Variants in RBM20 observed in about 807,000 individuals in gnomAD.
The protein encoded by RBM20 is RNA-binding protein 20.
RBM20 carries 51 observed loss-of-function variants against 110.1 expected under a neutral mutation model. That is an observed-to-expected ratio of 0.46 (90% confidence interval 0.37 to 0.59). The LOEUF is 0.59. Among genes scored for constraint, RBM20 ranks in the 20% least tolerant of loss-of-function variants. RBM20 has a pLI of 0.00. For missense variants in RBM20, 1,512 were observed against 1,574.9 expected, an observed-to-expected ratio of 0.96 and a Z score of 0.68; for synonymous variants, 589 against 618.2, an observed-to-expected ratio of 0.95 and a Z score of 0.70.
intron 1 of RBM20, among the ~76,000 whole-genome samples, chr10:110,734,935 G>A (rs1448409905): frequency 6.6e-6 from 1 of 152,168 alleles, no homozygotes; most frequent in African/African-American, 2.4e-5. Context: ...GTGGCGTGAT[G>A]AAATCTCCTA....
At chr10:110,658,557 C>A (rs908993174) in intron 1 of RBM20, among the ~76,000 whole-genome samples, 1 of 152,150 alleles carries the variant, frequency 6.6e-6, no homozygotes, top group African/African-American at 2.4e-5. Flanking sequence ...ATTTCCTCCT[C>A]CTTGTCCCTG....
Position 110,821,927 on chromosome 10 carries a change from T to C in RBM20, c.3308T>C (p.Leu1103Ser). ...CAAAACCAAGCTTGCCAAGAAGTGT[T>C]GACCCCGGGTAACTATCTCCCCTTT... ...DLQNQACQEV[L>S]TPENSRYVEM... is the part of the protein sequence containing the mutation. Residue 1103 changes from leucine to serine, a missense_variant, in exon 11 of 14, where the codon TTG (leucine) becomes TCG (serine). Leu to Ser is a moderately radical substitution (Grantham distance 145). Coordinates refer to ENST00000369519, the MANE Select transcript of RBM20 (RefSeq NM_001134363.3). 6.4e-7 allele frequency: 1 copy of C among 1,551,576 alleles called. No individual in the cohort carries two copies. The highest frequency in any genetic ancestry group is 8.7e-7 in the Non-Finnish European group (1 of 1,146,940).
chr10:110,731,346 T>C (rs1459260123), intron 1 of RBM20, among the ~76,000 whole-genome samples: 1 of 152,224 alleles, frequency 6.6e-6, no homozygotes, highest in African/African-American at 2.4e-5. Flanking sequence ...AAGATGGCAA[T>C]TCATTTGGTT....
At chr10:110,686,114 C>G (rs1015306241) in intron 1 of RBM20, among the ~76,000 whole-genome samples, 1 of 152,126 alleles carries the variant, frequency 6.6e-6, no homozygotes, top group Non-Finnish European at 1.5e-5. Flanking sequence ...AAAATGGAGC[C>G]CAGTCCATTC....
At chr10:110,804,242 G>A (rs1238040663) in intron 7 of RBM20, among the ~76,000 whole-genome samples, 3 of 152,202 alleles carry the variant, frequency 2.0e-5, no homozygotes, top group Non-Finnish European at 2.9e-5. Context: ...TGTGTCATCT[G>A]CTACATCCTC....
intron 12 of RBM20, chr10:110,827,757 A>T (rs1326826155): frequency 6.6e-6 from 1 of 152,176 alleles, no homozygotes; most frequent in East Asian, 1.9e-4. Context: ...TTATTCACTC[A>T]TGAAATATTT....
chr10:110,807,700 A>G (rs192270549), intron 7 of RBM20, among the ~76,000 whole-genome samples: 11 of 152,308 alleles, frequency 7.2e-5, no homozygotes, highest in Non-Finnish European at 1.3e-4. Flanking sequence ...TCTTTCCTGG[A>G]TCTGGGCTGG....
chr10:110,781,267 G>A lies in RBM20; in HGVS notation c.658G>A (p.Gly220Arg), dbSNP rs1844340919. The A allele has an allele frequency of 6.4e-7, 1 of 1,551,556 alleles. No homozygotes were observed. The highest frequency in any genetic ancestry group is 2.4e-5 in the East Asian group (1 of 40,930). The stretch of plus-strand genomic sequence containing the variant: ...AGTCATCTTGGGCATTGGCAAGACT[G>A]GGCCTGCTCCAGCTACAGCAGGATT... ...PAVILGIGKT[G>R]PAPATAGFYE... Residue 220 changes from glycine (G) to arginine (R), a missense_variant, in exon 2 of 14, where the codon GGG (glycine) becomes AGG (arginine). Coordinates refer to ENST00000369519, the MANE Select transcript of RBM20 (RefSeq NM_001134363.3).
rs1844564958 is a variant in RBM20, at chr10:110,797,504, T to A, written c.1528-4T>A. On this transcript the variant is annotated splice_region_variant and splice_polypyrimidine_tract_variant and intron_variant, in intron 5 of 13. Coordinates refer to ENST00000369519, the MANE Select transcript of RBM20 (RefSeq NM_001134363.3). ...ATACCACTAATGATCTTTGTTCCCA[T>A]TAGTTTGCACAGCGGAAAGGGGCTG... The A allele has an allele frequency of 6.5e-7, 1 of 1,548,860 alleles. No individual in the cohort carries two copies. The highest frequency in any genetic ancestry group is 1.4e-5 in the African/African-American group (1 of 73,088).
rs527242359 is a variant in RBM20, at chr10:110,814,773, C to T, written c.2550+1826C>T. On this transcript the variant is annotated intron_variant, in intron 9 of 13. Coordinates refer to ENST00000369519, the MANE Select transcript of RBM20 (RefSeq NM_001134363.3). ...CCTCCCAAAGTGCTGGGATTACAGG[C>T]GTGAGCCGCCGTGCCCTGCCAAGAT... Among the ~76,000 whole-genome samples the T allele has an allele frequency of 2.7e-3, 418 of 152,290 alleles. 5 individuals are homozygous for T. The highest frequency in any genetic ancestry group is 9.3e-3 in the African/African-American group (388 of 41,554).
At chr10:110,769,086 G>A (rs1844149979) in intron 1 of RBM20, among the ~76,000 whole-genome samples, 1 of 152,172 alleles carries the variant, frequency 6.6e-6, no homozygotes, top group Non-Finnish European at 1.5e-5. Context: ...AGACTTTGCT[G>A]CACAATTGTT....
chr10:110,783,517 T>G, intron 3 of RBM20, 90 bp downstream of exon 3: 1 of 1,042,938 alleles, frequency 9.6e-7, no homozygotes, highest in South Asian at 1.4e-5. Flanking sequence ...TTTTGAGTCC[T>G]GGGGCAATAG....
intron 12 of RBM20, among the ~76,000 whole-genome samples, chr10:110,825,077 G>A (rs1303142450): frequency 6.6e-6 from 1 of 151,388 alleles, no homozygotes; most frequent in Non-Finnish European, 1.5e-5. Flanking sequence ...TTGCTGCACA[G>A]CATCTCCCAA....
At chr10:110,643,565 G>A (rs1258187085), upstream of RBM20, among the ~76,000 whole-genome samples, 3 of 152,202 alleles carry the variant, frequency 2.0e-5, no homozygotes, top group Non-Finnish European at 4.4e-5. Context: ...CGGAGATTTG[G>A]CCAATAAATA....
chr10:110,816,324 C>T (rs964218754), intron 9 of RBM20, among the ~76,000 whole-genome samples: 8 of 146,682 alleles, frequency 5.5e-5, no homozygotes, highest in African/African-American at 2.0e-4. Flanking sequence ...TCCCCCGACA[C>T]TACTGCAGAC....
chr10:110,815,215 A>T (rs758052179), intron 9 of RBM20, among the ~76,000 whole-genome samples: 2 of 152,250 alleles, frequency 1.3e-5, no homozygotes, highest in African/African-American at 4.8e-5. Context: ...CAGTTGTAAA[A>T]TACCTCAGTT....
intron 1 of RBM20, among the ~76,000 whole-genome samples, chr10:110,734,197 G>A (rs1038640042): frequency 1.3e-5 from 2 of 152,212 alleles, no homozygotes; most frequent in African/African-American, 2.4e-5. Context: ...GTCATAGAGT[G>A]TGATAAGAGG....
intron 1 of RBM20, among the ~76,000 whole-genome samples, chr10:110,745,265 C>A (rs949945686): frequency 2.6e-5 from 4 of 152,214 alleles, no homozygotes; most frequent in African/African-American, 9.6e-5. Context: ...AAGCCTTGTT[C>A]TTCCCCTCCT....
rs368156287 is a variant in RBM20 at position 110,666,618 on chromosome 10, C to G, written c.191+21973C>G. Among the ~76,000 whole-genome samples the G allele has an allele frequency of 5.3e-5, 8 of 152,202 alleles. No individual in the cohort carries two copies. In the East Asian group the frequency reaches 5.8e-4, roughly 11 times the overall value. On this transcript the variant is annotated intron_variant, in intron 1 of 13. Transcript: ENST00000369519. The stretch of plus-strand genomic sequence containing the variant: ...CTATGATTATACCACTGCACTCCAG[C>G]CTGGGTGACAGAGAGAGACCCTGTC...
Sources: gnomAD v4.1 joint callset for allele counts (sites outside exome capture counted in the v4.1 genomes callset) on GRCh38, gnomAD v4.1.1 for gene constraint, MANE v1.5 for transcripts, NCBI Gene and HGNC (gene_info 2026-07-23, HGNC 2026-07-21) for gene names.